Variants in UBAP2 observed in about 807,000 individuals in gnomAD.
UBAP2 encodes ubiquitin-associated protein 2.
Under a neutral mutation model 139.6 loss-of-function variants are expected in UBAP2, and 75 were observed. The ratio of observed to expected loss-of-function variants is 0.54; its 90% CI spans 0.45 to 0.65. The LOEUF is 0.65. Among genes scored for constraint, UBAP2 ranks in the 30% least tolerant of loss-of-function variants. The probability of loss-of-function intolerance (pLI) is 0.00; values close to 1 mark genes in which losing one functional copy is unlikely to be tolerated. For missense variants in UBAP2, 1,368 were observed against 1,369.6 expected, an observed-to-expected ratio of 1.00 and a Z score of 0.02; for synonymous variants, 526 against 526.2, an observed-to-expected ratio of 1.00 and a Z score of 0.01.
At chr9:33,932,893 C>T (rs1824119453) in intron 18 of UBAP2, among the ~76,000 whole-genome samples, 1 of 152,186 alleles carries the variant, frequency 6.6e-6, no homozygotes, top group Admixed American at 6.5e-5. Flanking sequence ...AAAGTGAAGA[C>T]AGAGTTGCAC....
intron 1 of UBAP2, among the ~76,000 whole-genome samples, chr9:34,017,565 T>C (rs563499158): frequency 2.6e-5 from 4 of 152,194 alleles, no homozygotes; most frequent in African/African-American, 9.7e-5. Flanking sequence ...AATAGCCCAA[T>C]TTAAAATGTG....
chr9:33,931,600 AGTG>A (rs1823986616), intron 19 of UBAP2, among the ~76,000 whole-genome samples: 1 of 152,238 alleles, frequency 6.6e-6, no homozygotes, highest in African/African-American at 2.4e-5. Context: ...CTCCTTTGAA[AGTG>A]GCAGTTTGTG....
chr9:33,980,521 G>A (rs554213658), intron 6 of UBAP2, among the ~76,000 whole-genome samples: 3 of 151,756 alleles, frequency 2.0e-5, no homozygotes, highest in East Asian at 1.9e-4. Context: ...GATTACAGGC[G>A]TGAGCCACCG....
chr9:34,029,633 C>T (rs1323040645), intron 1 of UBAP2, among the ~76,000 whole-genome samples: 2 of 150,538 alleles, frequency 1.3e-5, no homozygotes, highest in African/African-American at 2.4e-5. Context: ...CTCAGGAGTT[C>T]GAGACCAGCC....
intron 7 of UBAP2, among the ~76,000 whole-genome samples, chr9:33,972,209 G>C (rs917223627): frequency 4.6e-5 from 7 of 152,166 alleles, no homozygotes; most frequent in Non-Finnish European, 8.8e-5. Context: ...ATTTTGTTCA[G>C]CACCTCTATT....
At chr9:33,979,635 C>T (rs1476127787) in intron 6 of UBAP2, among the ~76,000 whole-genome samples, 1 of 152,072 alleles carries the variant, frequency 6.6e-6, no homozygotes, top group Non-Finnish European at 1.5e-5. Context: ...GTAATCCCAG[C>T]ACTTTGGGAG....
At chr9:34,028,806 G>GA (rs1000201762) in intron 1 of UBAP2, among the ~76,000 whole-genome samples, 22 of 145,048 alleles carry the variant, frequency 1.5e-4, no homozygotes, top group Middle Eastern at 3.5e-3. Context: ...CTACAAAAAG[G>GA]AAAAAAAAAA....
chr9:34,002,550 G>A (rs1822810324), intron 2 of UBAP2, among the ~76,000 whole-genome samples: 1 of 151,860 alleles, frequency 6.6e-6, no homozygotes, highest in African/African-American at 2.4e-5. Context: ...GCTAATTTTT[G>A]TATTTTTAGT....
Position 33,971,765 on chromosome 9 carries a change from A to C in UBAP2, c.576-11T>G. The C allele has an allele frequency of 6.7e-7, 1 of 1,498,676 alleles. No homozygotes were observed. Among genetic ancestry groups the C allele is most frequent in the Non-Finnish European group, 9.3e-7 (1 of 1,075,040 alleles). The allele number at this position is 1,498,676 out of a possible 1,614,324, so 92.8% of individuals were successfully genotyped here. On this transcript the variant is annotated splice_polypyrimidine_tract_variant and intron_variant, in intron 7 of 28. Transcript: ENST00000379238. Reference sequence around the variant, plus strand: ...GCAGGATTAAATGTCCTGGGGTTTGAAATAAAGAAATAATAAAGGCAAAAG... The same window carrying C: ...GCAGGATTAAATGTCCTGGGGTTTGCAATAAAGAAATAATAAAGGCAAAAG...
intron 6 of UBAP2, among the ~76,000 whole-genome samples, chr9:33,980,995 A>G (rs1820614032): frequency 6.9e-6 from 1 of 144,018 alleles, no homozygotes; most frequent in South Asian, 2.2e-4. Flanking sequence ...GAGCCACACG[A>G]AATTTTATAT....
rs1203314750 is a variant in UBAP2 at position 33,970,537 on chromosome 9, C to T, written c.679+1114G>A. 2.6e-5 allele frequency among the ~76,000 whole-genome samples: 4 copies of T among 151,572 alleles called. No individual in the cohort carries two copies. The East Asian group carries it at 7.8e-4, about 29-fold the overall frequency. On this transcript the variant is annotated intron_variant, in intron 8 of 28. Coordinates refer to ENST00000379238, the MANE Select transcript of UBAP2 (RefSeq NM_001370062.2). ...CTCAACCTGCCAGGCTCAAGTGACA[C>T]TCCCCACTTCAGCCTCCCAAGCAGC...
chr9:34,033,787 G>A (rs1357033368), intron 1 of UBAP2, among the ~76,000 whole-genome samples: 1 of 151,366 alleles, frequency 6.6e-6, no homozygotes, highest in Non-Finnish European at 1.5e-5. Flanking sequence ...CCAGGCTGGA[G>A]TGCAATGGCA....
intron 6 of UBAP2, among the ~76,000 whole-genome samples, chr9:33,981,756 A>AAGGTAGGT (rs1217531290): frequency 4.1e-5 from 6 of 146,358 alleles, no homozygotes; most frequent in Middle Eastern, 3.4e-3. Context: ...GGAAGGATGG[A>AAGGTAGGT]AGGTAGGTAG....
chr9:33,995,058 T>A (rs1268145668), intron 4 of UBAP2: 5 of 152,064 alleles, frequency 3.3e-5, no homozygotes, highest in Admixed American at 1.3e-4. Context: ...TTCCTCAATT[T>A]AAGAAACATA....
chr9:33,996,288 G>A lies in UBAP2; in HGVS notation c.223C>T (p.Leu75=), dbSNP rs1357488741. The A allele has an allele frequency of 1.9e-6, 3 of 1,613,440 alleles. No homozygotes were observed. The highest frequency in any genetic ancestry group is 2.7e-5 in the African/African-American group (2 of 74,862). Reference sequence around the variant, plus strand: ...TTCACATCTCCATTACAATCATGTAGGGCCACTATGCATTCATCCTGATTT... The same window carrying A: ...TTCACATCTCCATTACAATCATGTAAGGCCACTATGCATTCATCCTGATTT... ...GKNQDECIVA[L]HDCNGDVNKA... Residue 75 remains leucine (L), a synonymous_variant, in exon 4 of 29, where the codon CTA becomes TTA. Transcript: ENST00000379238.
chr9:33,962,821 AC>A (rs1051480832), intron 9 of UBAP2, among the ~76,000 whole-genome samples: 12 of 151,208 alleles, frequency 7.9e-5, no homozygotes, highest in Non-Finnish European at 1.6e-4. Flanking sequence ...TACTAAAAAT[AC>A]AAAGAATTAG....
chr9:34,009,863 A>G (rs1452448251), intron 2 of UBAP2, among the ~76,000 whole-genome samples: 3 of 148,296 alleles, frequency 2.0e-5, no homozygotes, highest in African/African-American at 7.5e-5. Flanking sequence ...GCTGGAGTAC[A>G]ATGGTGGGAT....
At chr9:34,039,607 A>T (rs1171287118) in intron 1 of UBAP2, among the ~76,000 whole-genome samples, 1 of 152,034 alleles carries the variant, frequency 6.6e-6, no homozygotes, top group East Asian at 1.9e-4. Context: ...TTAAATGGAT[A>T]AAGGGCGGTG....
At chr9:34,015,097 T>C (rs1049320254) in intron 2 of UBAP2, among the ~76,000 whole-genome samples, 1 of 152,168 alleles carries the variant, frequency 6.6e-6, no homozygotes, top group Non-Finnish European at 1.5e-5. Flanking sequence ...TAATTAACTA[T>C]CAAAGTATAG....
Sources: gnomAD v4.1 joint callset for allele counts (sites outside exome capture counted in the v4.1 genomes callset) on GRCh38, gnomAD v4.1.1 for gene constraint, MANE v1.5 for transcripts, NCBI Gene and HGNC (gene_info 2026-07-23, HGNC 2026-07-21) for gene names.